The following AP3B1 variants were observed in gnomAD, a reference collection of about 807,000 sequenced individuals.
The protein encoded by AP3B1 is adaptor related protein complex 3 subunit beta 1, also known as AP-3 complex subunit beta-1.
In AP3B1, 61 loss-of-function variants were observed where a neutral mutation model predicts 132.5. That is an observed-to-expected ratio of 0.46 (90% CI 0.37 to 0.57). The LOEUF (loss-of-function observed/expected upper bound fraction) is 0.57. AP3B1 is among the 20% of genes least tolerant of loss of function. The probability of loss-of-function intolerance (pLI) is 0.00; values close to 1 mark genes in which losing one functional copy is unlikely to be tolerated. For missense variants in AP3B1, 1,120 were observed against 1,289.4 expected, an observed-to-expected ratio of 0.87 and a Z score of 2.01; for synonymous variants, 388 against 438.3, an observed-to-expected ratio of 0.89 and a Z score of 1.43.
At chr5:78,091,149 C>G (rs1468500304) in intron 21 of AP3B1, among the ~76,000 whole-genome samples, 1 of 151,240 alleles carries the variant, frequency 6.6e-6, no homozygotes, top group Non-Finnish European at 1.5e-5. Flanking sequence ...GTGAACAAGG[C>G]AGAACAAATA....
chr5:78,293,248 G>T (rs12152966), intron 1 of AP3B1, among the ~76,000 whole-genome samples: 1 of 151,978 alleles, frequency 6.6e-6, no homozygotes, highest in African/African-American at 2.4e-5. Flanking sequence ...ATTAATTTGC[G>T]AAACAGATTG....
In AP3B1 at chr5:78,175,631, G is replaced by A; in HGVS notation, c.1162C>T (p.Leu388=). ...AAAAATGAAAGCATACATACCTTCA[G>A]TGTCTTGATCATAGTTGGATCAGTT... The part of the protein sequence containing the change: ...RSTDPTMIKT[L]KLEILTNLAN... Residue 388 remains leucine (L), a synonymous_variant, in exon 11 of 27, where the codon CTG becomes TTG. Transcript: ENST00000255194. 1 of 1,612,186 alleles carries A rather than the reference G, an allele frequency of 6.2e-7. No homozygotes were observed.
intron 22 of AP3B1, among the ~76,000 whole-genome samples, chr5:78,048,939 G>A (rs1444880846): frequency 6.6e-6 from 1 of 152,124 alleles, no homozygotes; most frequent in Non-Finnish European, 1.5e-5. Flanking sequence ...TTTCTCTAAA[G>A]TCCTGGTAGA....
Position 78,218,100 on chromosome 5 carries a change from TAAAG to T in AP3B1, c.604-1867_604-1864del, listed in dbSNP as rs572088031. Among the ~76,000 whole-genome samples, 12 of 152,156 alleles carry T rather than the reference TAAAG, an allele frequency of 7.9e-5. No homozygotes were observed. The East Asian group carries it at 2.3e-3, about 29-fold the overall frequency. ...AACATCAAAATAATTAAAAAGCATA[TAAAG>T]AGAGTACTTTTACAAAATAAAACTG... On this transcript the variant is annotated intron_variant, in intron 6 of 26. Coordinates refer to ENST00000255194, the MANE Select transcript of AP3B1 (RefSeq NM_003664.5).
At chr5:78,187,850 A>G (rs889719593) in intron 7 of AP3B1, among the ~76,000 whole-genome samples, 4 of 152,230 alleles carry the variant, frequency 2.6e-5, no homozygotes, top group Non-Finnish European at 5.9e-5. Flanking sequence ...AGGCCACAGT[A>G]ACCAAAACAG....
At chr5:78,043,661 G>A (rs1019959773) in intron 22 of AP3B1, 2 of 463,900 alleles carry the variant, frequency 4.3e-6, no homozygotes, top group Non-Finnish European at 8.6e-6. Context: ...TACAGTGAAG[G>A]AACCCCCAGC....
intron 11 of AP3B1, among the ~76,000 whole-genome samples, chr5:78,174,759 G>A (rs1457657913): frequency 6.6e-6 from 1 of 152,268 alleles, no homozygotes; most frequent in African/African-American, 2.4e-5. Flanking sequence ...TCTCTTCAGA[G>A]CTGTCAGACA....
At chr5:78,120,109 G>A (rs1752097003) in intron 17 of AP3B1, among the ~76,000 whole-genome samples, 1 of 152,040 alleles carries the variant, frequency 6.6e-6, no homozygotes, top group Non-Finnish European at 1.5e-5. Flanking sequence ...AAGTGAAGGA[G>A]AAATAAAATA....
chr5:78,122,678 T>C (rs912391047), intron 17 of AP3B1, among the ~76,000 whole-genome samples: 1 of 152,140 alleles, frequency 6.6e-6, no homozygotes, highest in Admixed American at 6.5e-5. Flanking sequence ...TACAAACCAC[T>C]GCTCAATGAA....
rs374306032 is a variant in AP3B1, at chr5:78,219,196, GT to G, written c.604-2960del. ...TTTTCAGCAGGCACTGACCTAATTT[GT>G]TTTCCTAAGAAACTCTGTTTTCTAT... On this transcript the variant is annotated intron_variant, in intron 6 of 26. Coordinates refer to ENST00000255194, the MANE Select transcript of AP3B1 (RefSeq NM_003664.5). 3.0e-3 allele frequency among the ~76,000 whole-genome samples: 461 copies of G among 152,034 alleles called. 4 individuals are homozygous for G. Among genetic ancestry groups the G allele is most frequent in the African/African-American group, 0.011 (440 of 41,504 alleles).
chr5:78,242,807 T>C (rs1747199192), intron 2 of AP3B1, among the ~76,000 whole-genome samples: 1 of 152,228 alleles, frequency 6.6e-6, no homozygotes, highest in African/African-American at 2.4e-5. Flanking sequence ...TATTCCCATT[T>C]TGTCTTTCTC....
chr5:78,240,800 TA>T, intron 3 of AP3B1, 61 bp downstream of exon 3: 9 of 1,155,798 alleles, frequency 7.8e-6, no homozygotes, highest in Admixed American at 3.4e-5. Flanking sequence ...TTATACTACA[TA>T]AAAAGTGTAC....
intron 21 of AP3B1, among the ~76,000 whole-genome samples, chr5:78,099,732 A>G (rs544565559): frequency 1.9e-4 from 29 of 150,790 alleles, no homozygotes; most frequent in African/African-American, 6.6e-4. Flanking sequence ...CGCCTCTACT[A>G]AAAAAAAATA....
intron 15 of AP3B1, among the ~76,000 whole-genome samples, chr5:78,131,526 AG>A (rs1199883097): frequency 2.0e-5 from 3 of 152,092 alleles, no homozygotes; most frequent in Non-Finnish European, 1.5e-5. Context: ...GTCAATAAAA[AG>A]TTTTTACAAT....
chr5:78,101,106 CTT>C, intron 20 of AP3B1, 81 bp from the exon 21 acceptor site: 1 of 802,436 alleles, frequency 1.2e-6, no homozygotes, highest in Middle Eastern at 2.3e-4. Flanking sequence ...CCAAAACAAA[CTT>C]TTTTTTCCTC....
At chr5:78,018,389 T>C (rs1411681237) in intron 25 of AP3B1, among the ~76,000 whole-genome samples, 1 of 152,018 alleles carries the variant, frequency 6.6e-6, no homozygotes, top group African/African-American at 2.4e-5. Context: ...ATAGATCATG[T>C]TGCATATTAG....
At chr5:78,068,134 G>T (rs1749373020) in intron 22 of AP3B1, among the ~76,000 whole-genome samples, 2 of 152,134 alleles carry the variant, frequency 1.3e-5, no homozygotes, top group South Asian at 4.1e-4. Context: ...AGACCAGCCT[G>T]ACCAACATGG....
intron 22 of AP3B1, among the ~76,000 whole-genome samples, chr5:78,084,996 C>T (rs1398567145): frequency 1.3e-5 from 2 of 151,850 alleles, no homozygotes; most frequent in African/African-American, 4.8e-5. Flanking sequence ...TTTTTGTAAC[C>T]ATCACTACTA....
At chr5:78,156,113 T>C in intron 14 of AP3B1, 145 bp downstream of exon 14, 1 of 661,700 alleles carries the variant, frequency 1.5e-6, no homozygotes. Context: ...TTCCCTCCTA[T>C]AACAGCAAGA....
Sources: allele counts gnomAD v4.1 joint callset (sites outside exome capture counted in the v4.1 genomes callset), GRCh38; gene constraint gnomAD v4.1.1; transcripts MANE v1.5; gene names NCBI Gene and HGNC (gene_info 2026-07-23, HGNC 2026-07-21).